The following PPP1R9A variants were observed in gnomAD, a reference collection of about 807,000 sequenced individuals.
PPP1R9A encodes the protein protein phosphatase 1 regulatory subunit 9A.
Under a neutral mutation model 141.9 loss-of-function variants are expected in PPP1R9A, and 59 were observed. That is an observed-to-expected ratio of 0.42 (90% CI 0.34 to 0.52). The LOEUF (loss-of-function observed/expected upper bound fraction) is 0.52. PPP1R9A is among the 20% of genes least tolerant of loss of function. PPP1R9A has a pLI of 0.10. For synonymous variants in PPP1R9A, 500 were observed against 569.7 expected (o/e 0.88, Z 1.74); for missense variants, 1,444 against 1,611.9 (o/e 0.90, Z 1.78).
chr7:95,077,964 AT>A (rs904140416), intron 2 of PPP1R9A, among the ~76,000 whole-genome samples: 3 of 145,924 alleles, frequency 2.1e-5, no homozygotes, highest in Non-Finnish European at 4.5e-5. Context: ...ACAAAACAGT[AT>A]CTTCTACTCT....
chr7:94,955,658 T>A (rs976145215), intron 2 of PPP1R9A, among the ~76,000 whole-genome samples: 5 of 152,144 alleles, frequency 3.3e-5, no homozygotes, highest in African/African-American at 4.8e-5. Context: ...TTTTGTATGG[T>A]TTAGAAAATC....
At chr7:95,244,090 C>T (rs1251927214) in intron 8 of PPP1R9A, among the ~76,000 whole-genome samples, 3 of 152,112 alleles carry the variant, frequency 2.0e-5, no homozygotes, top group Non-Finnish European at 4.4e-5. Context: ...CTCATGTGTA[C>T]TAAGAAAATC....
chr7:95,121,314 AC>A (rs1322880345), intron 4 of PPP1R9A, among the ~76,000 whole-genome samples: 4 of 152,168 alleles, frequency 2.6e-5, no homozygotes, highest in Non-Finnish European at 5.9e-5. Context: ...TCTTGGGTGC[AC>A]CTAAACCTGT....
chr7:95,037,502 T>A (rs1026630544), intron 2 of PPP1R9A, among the ~76,000 whole-genome samples: 2 of 152,162 alleles, frequency 1.3e-5, no homozygotes, highest in African/African-American at 4.8e-5. Context: ...TGAATTAGGA[T>A]TAGAGGAGTT....
At chr7:95,283,686 GA>G (rs1178141622) in intron 16 of PPP1R9A, among the ~76,000 whole-genome samples, 7 of 152,188 alleles carry the variant, frequency 4.6e-5, no homozygotes, top group Non-Finnish European at 7.3e-5. Context: ...CAGATAAAGG[GA>G]ATGCAGTGAT....
intron 2 of PPP1R9A, among the ~76,000 whole-genome samples, chr7:95,073,818 G>A (rs1814394362): frequency 6.6e-6 from 1 of 151,750 alleles, no homozygotes; most frequent in Non-Finnish European, 1.5e-5. Context: ...CTGGGCCCAA[G>A]CAATCCTCCT....
chr7:95,030,855 C>T (rs1428847671), intron 2 of PPP1R9A, among the ~76,000 whole-genome samples: 1 of 152,174 alleles, frequency 6.6e-6, no homozygotes, highest in East Asian at 1.9e-4. Context: ...TATTTAACAA[C>T]CTATGTGGCA....
chr7:94,964,471 G>T (rs540131326), intron 2 of PPP1R9A, among the ~76,000 whole-genome samples: 1 of 152,194 alleles, frequency 6.6e-6, no homozygotes, highest in African/African-American at 2.4e-5. Flanking sequence ...TTCTCCTAAT[G>T]CTATCCCTCG....
chr7:95,247,056 T>C (rs1798218225), intron 8 of PPP1R9A, among the ~76,000 whole-genome samples: 1 of 152,190 alleles, frequency 6.6e-6, no homozygotes, highest in East Asian at 1.9e-4. Flanking sequence ...CCACCTTTCT[T>C]GCAGATTTGG....
In PPP1R9A at chr7:95,132,800, G is replaced by T. The variant is rs888429439; in HGVS notation, c.1649+11968G>T. ...GGCTGGGTGTGCAGCAACCTGCTTC[G>T]GTCTTGGGTGCTGGCATCTAGACAA... On this transcript the variant is annotated intron_variant, in intron 4 of 19. Coordinates refer to ENST00000433360, the MANE Select transcript of PPP1R9A (RefSeq NM_001166160.2). Among the ~76,000 whole-genome samples the T allele has an allele frequency of 3.3e-5, 5 of 152,126 alleles. No homozygotes were observed. In the East Asian group the frequency reaches 7.7e-4, roughly 24 times the overall value.
At chr7:95,099,013 G>A (rs1818406698) in intron 2 of PPP1R9A, among the ~76,000 whole-genome samples, 1 of 152,156 alleles carries the variant, frequency 6.6e-6, no homozygotes, top group Non-Finnish European at 1.5e-5. Flanking sequence ...CACCATGTGT[G>A]CACACACATA....
At chr7:94,996,985 A>C (rs969482486) in intron 2 of PPP1R9A, among the ~76,000 whole-genome samples, 4 of 151,906 alleles carry the variant, frequency 2.6e-5, no homozygotes, top group Non-Finnish European at 4.4e-5. Context: ...TGTATTTGGT[A>C]GAGACACGGG....
At position 95,286,283 on chromosome 7, in the gene PPP1R9A, A is replaced by C; in HGVS notation, c.3687A>C (p.Lys1229Asn). ...ADLSGLGAEPKTPGLSQSLAL... is the reference protein window; with the variant it reads ...ADLSGLGAEPNTPGLSQSLAL... ...TCAGCGGCTTAGGAGCAGAACCTAA[A>C]ACACCAGGGCTCTCTCAGTCCTTAG... is the stretch of plus-strand genomic sequence containing the variant. The change falls in exon 18 of 20, where the codon AAA becomes AAC. Residue 1229 changes from lysine to asparagine, a missense_variant. By Grantham distance (94) the Lys-to-Asn change is moderately conservative (BLOSUM62 0). This residue lies in a region of PPP1R9A where 459 missense variants were observed against 513.8 expected (regional missense o/e 0.89). Coordinates refer to ENST00000433360, the MANE Select transcript of PPP1R9A (RefSeq NM_001166160.2). 6.2e-7 allele frequency: 1 copy of C among 1,613,606 alleles called. No homozygotes were observed. Among genetic ancestry groups the C allele is most frequent in the Non-Finnish European group, 8.5e-7 (1 of 1,179,644 alleles).
At chr7:95,223,948 T>G (rs1322323731) in intron 7 of PPP1R9A, among the ~76,000 whole-genome samples, 1 of 152,018 alleles carries the variant, frequency 6.6e-6, no homozygotes, top group Non-Finnish European at 1.5e-5. Context: ...TACCAAGTAT[T>G]TGTTGGTTCT....
intron 2 of PPP1R9A, among the ~76,000 whole-genome samples, chr7:95,089,720 CG>C (rs1430441209): frequency 7.9e-6 from 1 of 126,024 alleles, no homozygotes; most frequent in East Asian, 1.9e-4. Context: ...TTTAGAAGCT[CG>C]TTTTTTTTTT....
At chr7:95,231,343 A>C (rs924069628) in intron 8 of PPP1R9A, among the ~76,000 whole-genome samples, 1 of 152,212 alleles carries the variant, frequency 6.6e-6, no homozygotes, top group Non-Finnish European at 1.5e-5. Context: ...TGGGTCATCA[A>C]GACAGAAAGT....
In PPP1R9A at chr7:94,909,801, G is replaced by A. The variant is rs368119507; in HGVS notation, c.-216-97G>A. The A allele has an allele frequency of 2.3e-3, 411 of 178,086 alleles. 22 individuals are homozygous for A. The South Asian group carries it at 0.07, about 30-fold the overall frequency. The allele number at this position is 178,086 out of a possible 1,614,324, so 11.0% of individuals were successfully genotyped here. A position where few individuals can be genotyped will look rare whatever the true frequency, so the allele number is the denominator to read the frequency against. ...ATGAGTAATCTCTTCTGTTTGCCACGTGGCTAAGCCATTTGGAAAAAAAAA... is the reference window on the plus strand; with the variant it reads ...ATGAGTAATCTCTTCTGTTTGCCACATGGCTAAGCCATTTGGAAAAAAAAA... On this transcript the variant is annotated intron_variant, in intron 1 of 19. Coordinates refer to ENST00000433360, the MANE Select transcript of PPP1R9A (RefSeq NM_001166160.2).
rs192982497 is a variant in PPP1R9A, at chr7:95,004,319, A to T, written c.1395+92811A>T. On this transcript the variant is annotated intron_variant, in intron 2 of 19. Coordinates refer to ENST00000433360, the MANE Select transcript of PPP1R9A (RefSeq NM_001166160.2). The stretch of plus-strand genomic sequence containing the variant: ...TTATTTTGTAAAGAAATTTATTTTA[A>T]AACAGTATGACGGCCAAAAAAAAGC... 3.5e-3 allele frequency among the ~76,000 whole-genome samples: 538 copies of T among 152,158 alleles called. 5 individuals carry two copies. Among genetic ancestry groups the T allele is most frequent in the African/African-American group, 0.012 (512 of 41,528 alleles).
Position 95,290,072 on chromosome 7 carries a change from G to T in PPP1R9A, c.3913-19G>T, listed in dbSNP as rs371813853. Reference sequence around the variant, plus strand: ...TCATTGGTTTTCAAATTCAGTTTGTGTGTGTGTTTCTTTCTTAGGCTCTTG... The same window carrying T: ...TCATTGGTTTTCAAATTCAGTTTGTTTGTGTGTTTCTTTCTTAGGCTCTTG... On this transcript the variant is annotated intron_variant, in intron 19 of 19. Transcript: ENST00000433360. 1.9e-6 allele frequency: 3 copies of T among 1,611,112 alleles called. No individual in the cohort carries two copies. The highest frequency in any genetic ancestry group is 2.5e-6 in the Non-Finnish European group (3 of 1,179,202).
Sources: gnomAD v4.1 joint callset for allele counts (sites outside exome capture counted in the v4.1 genomes callset) on GRCh38, gnomAD v4.1.1 for gene constraint, gnomAD v4.1.1 regional missense constraint, MANE v1.5 for transcripts, NCBI Gene and HGNC (gene_info 2026-07-23, HGNC 2026-07-21) for gene names.